The following JAK2 variants were observed in gnomAD, a reference collection of about 807,000 sequenced individuals.
JAK2 encodes the protein Janus kinase 2, also known as tyrosine-protein kinase JAK2.
A neutral mutation model predicts 139.3 loss-of-function variants in JAK2; 86 were observed. The observed-to-expected ratio is 0.62, with a 90% CI of 0.52 to 0.74. The LOEUF (loss-of-function observed/expected upper bound fraction) is 0.74. Among genes scored for constraint, JAK2 ranks in the 30% least tolerant of loss-of-function variants. The probability of loss-of-function intolerance (pLI) is 0.00; values close to 1 mark genes in which losing one functional copy is unlikely to be tolerated. For missense variants in JAK2, 1,421 were observed against 1,360.3 expected (o/e 1.04, Z -0.70); for synonymous variants, 490 against 437.7 (o/e 1.12, Z -1.49).
chr9:5,113,316 T>G (rs545132003), intron 22 of JAK2, among the ~76,000 whole-genome samples: 2 of 144,394 alleles, frequency 1.4e-5, no homozygotes, highest in South Asian at 4.4e-4. Flanking sequence ...TCGTAACATA[T>G]CACTTGAGGG....
upstream of JAK2, chr9:4,984,530 G>C (rs1887428): frequency 0.69 from 104,682 of 152,254 alleles, 37,078 homozygotes; most frequent in African/African-American, 0.87. Flanking sequence ...GGTGGCTGAT[G>C]GGAGTCAGGC....
At chr9:5,030,916 A>G (rs1350557296) in intron 4 of JAK2, among the ~76,000 whole-genome samples, 1 of 152,186 alleles carries the variant, frequency 6.6e-6, no homozygotes, top group Non-Finnish European at 1.5e-5. Context: ...AAGAAATAAT[A>G]GATGTACAAA....
intron 2 of JAK2, among the ~76,000 whole-genome samples, chr9:4,996,292 C>CA (rs1454805385): frequency 6.6e-6 from 1 of 151,880 alleles, no homozygotes; most frequent in Non-Finnish European, 1.5e-5. Flanking sequence ...CTACTAAATA[C>CA]AAAAAAATAG....
intron 2 of JAK2, among the ~76,000 whole-genome samples, chr9:4,998,344 C>T (rs767932490): frequency 1.3e-5 from 2 of 151,930 alleles, no homozygotes; most frequent in Non-Finnish European, 2.9e-5. Flanking sequence ...GCAACTTCTG[C>T]CTCCCAGATT....
At chr9:5,038,344 C>G (rs948070252) in intron 4 of JAK2, among the ~76,000 whole-genome samples, 13 of 152,054 alleles carry the variant, frequency 8.5e-5, no homozygotes, top group Non-Finnish European at 1.6e-4. Flanking sequence ...CTTGTGAATT[C>G]TATCACACAT....
At chr9:5,066,237 CT>C (rs563968497) in intron 9 of JAK2, among the ~76,000 whole-genome samples, 129 of 152,104 alleles carry the variant, frequency 8.5e-4, no homozygotes, top group African/African-American at 2.9e-3. Flanking sequence ...TTCTCTTAGA[CT>C]TTGTTATCGT....
intron 4 of JAK2, among the ~76,000 whole-genome samples, chr9:5,036,696 T>A (rs1460291139): frequency 6.6e-6 from 1 of 152,178 alleles, no homozygotes; most frequent in African/African-American, 2.4e-5. Flanking sequence ...CCTTACACCT[T>A]ATACAAAAAT....
intron 22 of JAK2, among the ~76,000 whole-genome samples, chr9:5,121,117 T>C (rs949779822): frequency 3.9e-5 from 6 of 152,182 alleles, no homozygotes; most frequent in Admixed American, 6.6e-5. Context: ...ATAGTAGTAG[T>C]AGTGTTGGGA....
chr9:5,125,675 T>C (rs1375085853), intron 23 of JAK2, among the ~76,000 whole-genome samples: 2 of 113,624 alleles, frequency 1.8e-5, no homozygotes, highest in Non-Finnish European at 3.6e-5. Flanking sequence ...TATTTTTATG[T>C]ACTTTTGCCA....
chr9:5,076,311 C>T (rs1054125213), intron 14 of JAK2, among the ~76,000 whole-genome samples: 35 of 152,216 alleles, frequency 2.3e-4, no homozygotes, highest in African/African-American at 8.4e-4. Flanking sequence ...GCATTGCATG[C>T]TACAGAGAAA....
At chr9:5,080,714 C>T (rs781442704) in intron 18 of JAK2, 31 bp downstream of exon 18, 159 of 1,457,624 alleles carry the variant, frequency 1.1e-4, no homozygotes, top group Non-Finnish European at 1.3e-4. Context: ...ATTGATTTTC[C>T]AGCTTTCTAT....
chr9:5,022,741 A>G (rs1299348849), intron 3 of JAK2, among the ~76,000 whole-genome samples: 1 of 152,186 alleles, frequency 6.6e-6, no homozygotes, highest in Non-Finnish European at 1.5e-5. Context: ...CAAAACTGTG[A>G]ACCAGAGAAC....
chr9:5,053,169 T>C (rs1817542069), intron 6 of JAK2, among the ~76,000 whole-genome samples: 1 of 152,082 alleles, frequency 6.6e-6, no homozygotes, highest in Non-Finnish European at 1.5e-5. Flanking sequence ...TTATCCATCC[T>C]AGTGGGTGGA....
intron 22 of JAK2, chr9:5,111,223 C>T (rs1014949351): frequency 1.2e-5 from 7 of 579,266 alleles, no homozygotes; most frequent in African/African-American, 4.2e-5. Context: ...GAGCAGCTAG[C>T]GCGGGCCTAT....
intron 14 of JAK2, among the ~76,000 whole-genome samples, chr9:5,075,712 G>A (rs369864447): frequency 7.2e-5 from 11 of 152,166 alleles, no homozygotes; most frequent in Non-Finnish European, 1.0e-4. Context: ...TTATTTTCAG[G>A]CCTGGTGACA....
chr9:5,052,220 C>G (rs1391454971), intron 6 of JAK2, among the ~76,000 whole-genome samples: 1 of 152,094 alleles, frequency 6.6e-6, no homozygotes, highest in Non-Finnish European at 1.5e-5. Context: ...CATCCAAAGT[C>G]TTGGCACAAT....
chr9:5,127,004 A>C lies in JAK2; in HGVS notation c.*213A>C, dbSNP rs562898324. On this transcript the variant is annotated 3_prime_UTR_variant, in exon 25 of 25. Transcript: ENST00000381652. Reference sequence around the variant, plus strand: ...AAGACATTAATGAGAATTCCTTAGCAAGGATTTTGTAAGAAGTTTCTTAAA... The same window carrying C: ...AAGACATTAATGAGAATTCCTTAGCCAGGATTTTGTAAGAAGTTTCTTAAA... 54 of 312,790 alleles carry C rather than the reference A, an allele frequency of 1.7e-4. No individual in the cohort carries two copies. The highest frequency in any genetic ancestry group is 1.9e-4 in the Non-Finnish European group (33 of 170,380). The allele number at this position is 312,790 out of a possible 1,614,324, so 19.4% of individuals were successfully genotyped here.
At chr9:5,050,000 C>CAA (rs1002968803) in intron 5 of JAK2, among the ~76,000 whole-genome samples, 1 of 152,106 alleles carries the variant, frequency 6.6e-6, no homozygotes, top group Non-Finnish European at 1.5e-5. Context: ...TGCCATTGAC[C>CAA]AAAACATTGT....
chr9:5,041,401 C>G (rs1816497263), intron 4 of JAK2: 1 of 629,148 alleles, frequency 1.6e-6, no homozygotes, highest in Non-Finnish European at 3.0e-6. Context: ...ACTGCAACAA[C>G]CTGGAGGTGC....
Sources: allele counts gnomAD v4.1 joint callset (sites outside exome capture counted in the v4.1 genomes callset), GRCh38; gene constraint gnomAD v4.1.1; transcripts MANE v1.5; gene names NCBI Gene and HGNC (gene_info 2026-07-23, HGNC 2026-07-21).